The following SSPN variants were observed in gnomAD, a reference collection of about 807,000 sequenced individuals.
SSPN encodes the protein sarcospan.
Under a neutral mutation model 19.1 loss-of-function variants are expected in SSPN, and 15 were observed. The observed-to-expected ratio is 0.78, with a 90% CI of 0.52 to 1.21. The LOEUF is 1.21. Among genes scored for constraint, SSPN ranks in the 50% most tolerant of loss-of-function variants. SSPN has a pLI of 0.00. For synonymous variants in SSPN, 147 were observed against 140.3 expected, an observed-to-expected ratio of 1.05 and a Z score of -0.34; for missense variants, 291 against 314.0, an observed-to-expected ratio of 0.93 and a Z score of 0.55.
chr12:26,136,300 C>T (rs1321007693), intron 1 of SSPN, among the ~76,000 whole-genome samples: 1 of 152,096 alleles, frequency 6.6e-6, no homozygotes, highest in Non-Finnish European at 1.5e-5. Context: ...CTGCAGATAC[C>T]AAGGGATAAG....
chr12:26,181,223 T>C (rs1438265346), intron 1 of SSPN: 1 of 151,798 alleles, frequency 6.6e-6, no homozygotes, highest in Non-Finnish European at 1.5e-5. Context: ...TACTACTCAT[T>C]TTTTTTTGTT....
At position 26,232,772 on chromosome 12, in the gene SSPN, T is replaced by A. The variant is rs929355468; in HGVS notation, c.*1696T>A. On this transcript the variant is annotated 3_prime_UTR_variant, in exon 3 of 3. Transcript: ENST00000242729. ...GATGTTAAACCTTTTAATGTTTTGATTTGCTTTAAAAATGGCCTTCCTACA... is the reference window on the plus strand; with the variant it reads ...GATGTTAAACCTTTTAATGTTTTGAATTGCTTTAAAAATGGCCTTCCTACA... The A allele has an allele frequency of 1.5e-5, 15 of 969,012 alleles. No individual in the cohort carries two copies. Among genetic ancestry groups the A allele is most frequent in the Non-Finnish European group, 1.8e-5 (15 of 815,062 alleles). The allele number at this position is 969,012 out of a possible 1,614,324, so 60.0% of individuals were successfully genotyped here.
At chr12:26,206,862 G>T (rs763081082) in intron 1 of SSPN, among the ~76,000 whole-genome samples, 3 of 152,110 alleles carry the variant, frequency 2.0e-5, no homozygotes, top group Non-Finnish European at 4.4e-5. Flanking sequence ...TTAGTTTTTG[G>T]TAAGTCATCA....
intron 1 of SSPN, chr12:26,123,188 G>A: frequency 6.4e-7 from 1 of 1,566,450 alleles, no homozygotes; most frequent in Admixed American, 1.8e-5. Context: ...GGAAGGGATG[G>A]GGGTGGGGGA....
chr12:26,229,562 G>A (rs995664114), intron 2 of SSPN, among the ~76,000 whole-genome samples: 1 of 152,182 alleles, frequency 6.6e-6, no homozygotes, highest in African/African-American at 2.4e-5. Flanking sequence ...TATATATAAG[G>A]GAAGGTGGGG....
Position 26,234,046 on chromosome 12 carries a change from G to A in SSPN, c.*2970G>A, listed in dbSNP as rs1261333957. 1.3e-5 allele frequency: 2 copies of A among 152,168 alleles called. No individual in the cohort carries two copies. The highest frequency in any genetic ancestry group is 2.4e-5 in the African/African-American group (1 of 41,428). The allele number at this position is 152,168 out of a possible 1,614,324, so 9.4% of individuals were successfully genotyped here. ...TGTTTTTTTTCTTTGGATTAAAAGT[G>A]TATATCTCTCTACTGAGGGGTTTCC... On this transcript the variant is annotated 3_prime_UTR_variant, in exon 3 of 3. Transcript: ENST00000242729.
intron 1 of SSPN, among the ~76,000 whole-genome samples, chr12:26,140,953 CT>C (rs1390743704): frequency 2.0e-5 from 3 of 152,120 alleles, no homozygotes; most frequent in Admixed American, 1.3e-4. Context: ...GCTCCTGCCA[CT>C]TTTTTGCTTA....
At chr12:26,132,725 C>T (rs1944403671) in intron 1 of SSPN, among the ~76,000 whole-genome samples, 1 of 152,180 alleles carries the variant, frequency 6.6e-6, no homozygotes, top group African/African-American at 2.4e-5. Context: ...TCCTGTTCGG[C>T]TCTCCACCCT....
At chr12:26,123,578 T>C in intron 1 of SSPN, 1 of 1,306,376 alleles carries the variant, frequency 7.7e-7, no homozygotes, top group Non-Finnish European at 1.1e-6. Flanking sequence ...ACTGCTCCCC[T>C]GTGGGCTGCC....
Position 26,155,429 on chromosome 12 carries a change from C to T in SSPN, c.-31+33277C>T, listed in dbSNP as rs1289484537. Among the ~76,000 whole-genome samples, 7 of 152,272 alleles carry T rather than the reference C, an allele frequency of 4.6e-5. No homozygotes were observed. In the East Asian group the frequency reaches 1.2e-3, roughly 25 times the overall value. On this transcript the variant is annotated intron_variant, in intron 1 of 2. Coordinates refer to the SSPN transcript ENST00000538142. ...GGAAAAGAGCGAAAGATCATCAAAC[C>T]TTCAACAACATAAAAGTGACCCTCA... is the stretch of plus-strand genomic sequence containing the variant.
chr12:26,199,385 G>A (rs1032156008), intron 1 of SSPN, among the ~76,000 whole-genome samples: 1 of 152,098 alleles, frequency 6.6e-6, no homozygotes, highest in African/African-American at 2.4e-5. Flanking sequence ...TGTAAGGGGG[G>A]AAAAAAACCC....
At chr12:26,140,643 TA>T (rs1208194634) in intron 1 of SSPN, among the ~76,000 whole-genome samples, 2 of 152,146 alleles carry the variant, frequency 1.3e-5, no homozygotes, top group Non-Finnish European at 2.9e-5. Context: ...TCTGGCTGTT[TA>T]AAATTGTGTA....
chr12:26,197,443 CA>C (rs1944839987), intron 1 of SSPN, among the ~76,000 whole-genome samples: 2 of 152,150 alleles, frequency 1.3e-5, no homozygotes, highest in South Asian at 4.1e-4. Context: ...TCCACATACC[CA>C]GGGGGAAAAT....
intron 1 of SSPN, among the ~76,000 whole-genome samples, chr12:26,175,762 A>T (rs1003276303): frequency 1.3e-5 from 2 of 150,680 alleles, no homozygotes; most frequent in Non-Finnish European, 2.9e-5. Context: ...TGTTAAAAAT[A>T]AAAAAAATTA....
intron 1 of SSPN, among the ~76,000 whole-genome samples, chr12:26,183,959 A>G (rs1404363301): frequency 6.6e-6 from 1 of 152,244 alleles, no homozygotes; most frequent in African/African-American, 2.4e-5. Context: ...CCAGAGAGCC[A>G]TAAGCCTTCT....
intron 1 of SSPN, among the ~76,000 whole-genome samples, chr12:26,203,056 C>T (rs887627608): frequency 1.3e-5 from 2 of 152,140 alleles, no homozygotes; most frequent in East Asian, 3.9e-4. Flanking sequence ...CATCAGATCT[C>T]ATGAGAACTC....
At chr12:26,168,029 T>C (rs545847345) in intron 1 of SSPN, among the ~76,000 whole-genome samples, 1 of 151,650 alleles carries the variant, frequency 6.6e-6, no homozygotes, top group Non-Finnish European at 1.5e-5. Context: ...GCCTGGGCAA[T>C]GTGGTGAAAC....
At chr12:26,163,972 A>G (rs905576814) in intron 1 of SSPN, among the ~76,000 whole-genome samples, 15 of 152,250 alleles carry the variant, frequency 9.9e-5, no homozygotes, top group Non-Finnish European at 1.8e-4. Context: ...GGAATGTTCA[A>G]TCATAGTATA....
intron 1 of SSPN, chr12:26,122,635 C>T: frequency 7.8e-7 from 1 of 1,282,036 alleles, no homozygotes; most frequent in Non-Finnish European, 9.9e-7. Flanking sequence ...GCGCCGCCCC[C>T]CGGGCCGCCG....
Sources: allele counts gnomAD v4.1 joint callset (sites outside exome capture counted in the v4.1 genomes callset), GRCh38; gene constraint gnomAD v4.1.1; transcripts MANE v1.5; gene names NCBI Gene and HGNC (gene_info 2026-07-23, HGNC 2026-07-21).